JADE3: variants seen among roughly 807,000 people sequenced by gnomAD.
The protein encoded by JADE3 is protein Jade-3.
Under a neutral mutation model 50.1 loss-of-function variants are expected in JADE3, and 2 were observed. That is an observed-to-expected ratio of 0.04 (90% CI 0.02 to 0.13). JADE3 has a LOEUF of 0.13. JADE3 is among the 10% of genes least tolerant of loss of function. The probability of loss-of-function intolerance (pLI) is 1.00; values close to 1 mark genes in which losing one functional copy is unlikely to be tolerated. For missense variants in JADE3, 475 were observed against 634.4 expected (o/e 0.75, Z 2.70); for synonymous variants, 218 against 232.9 (o/e 0.94, Z 0.58).
intron 4 of JADE3, among the ~76,000 whole-genome samples, chrX:47,015,474 C>T (rs996805591): frequency 9.2e-6 from 1 of 108,149 alleles, no homozygotes; most frequent in African/African-American, 3.4e-5. Flanking sequence ...ATCCCAGCTA[C>T]TCGGGAGGCT....
chrX:46,939,248 T>G (rs1926700755), intron 1 of JADE3, among the ~76,000 whole-genome samples: 2 of 112,115 alleles, frequency 1.8e-5, no homozygotes, highest in African/African-American at 6.5e-5. Context: ...CAGTTTGATT[T>G]AGGTATGCCT....
intron 7 of JADE3, among the ~76,000 whole-genome samples, chrX:47,038,654 T>TAAAA (rs567645944): frequency 4.1e-5 from 3 of 73,053 alleles, no homozygotes; most frequent in African/African-American, 5.5e-5. Flanking sequence ...ACCTTGTCTC[T>TAAAA]AAAAAAAAAA....
intron 1 of JADE3, among the ~76,000 whole-genome samples, chrX:46,922,816 T>C (rs1042403094): frequency 6.3e-5 from 7 of 111,874 alleles, no homozygotes; most frequent in African/African-American, 9.7e-5. Context: ...AGTCTCAACA[T>C]CTGCATTTAC....
At chrX:47,034,952 A>G (rs1366848092) in intron 7 of JADE3, among the ~76,000 whole-genome samples, 13 of 110,230 alleles carry the variant, frequency 1.2e-4, no homozygotes, top group Admixed American at 1.9e-4. Context: ...TAGGGCTTAC[A>G]CTCAACACCT....
At chrX:47,012,757 C>T (rs1392008890) in intron 4 of JADE3, among the ~76,000 whole-genome samples, 2 of 110,598 alleles carry the variant, frequency 1.8e-5, no homozygotes, top group African/African-American at 3.3e-5. Flanking sequence ...TTGGCTATTA[C>T]ATTTAGGTCT....
At chrX:47,043,571 G>A (rs1929310515) in intron 8 of JADE3, among the ~76,000 whole-genome samples, 1 of 112,064 alleles carries the variant, frequency 8.9e-6, no homozygotes, top group Admixed American at 9.5e-5. Flanking sequence ...TGTAATCCCA[G>A]CACTTTGGGA....
intron 7 of JADE3, among the ~76,000 whole-genome samples, chrX:47,034,906 G>A (rs1294640724): frequency 9.1e-6 from 1 of 109,466 alleles, no homozygotes; most frequent in African/African-American, 3.3e-5. Context: ...GAGCCACTGC[G>A]CCCGGCCGAT....
At chrX:47,038,175 T>C (rs1556368517) in intron 7 of JADE3, among the ~76,000 whole-genome samples, 2 of 112,134 alleles carry the variant, frequency 1.8e-5, no homozygotes, top group Non-Finnish European at 3.8e-5. Context: ...ATGTACCACA[T>C]TTTCTTTATC....
At chrX:46,979,439 T>G (rs1927694065) in intron 1 of JADE3, among the ~76,000 whole-genome samples, 1 of 111,879 alleles carries the variant, frequency 8.9e-6, no homozygotes, top group Non-Finnish European at 1.9e-5. Flanking sequence ...GTCAGTTGGC[T>G]TTCTTCACTG....
At chrX:47,022,982 A>G (rs1556364784) in intron 4 of JADE3, among the ~76,000 whole-genome samples, 1 of 111,189 alleles carries the variant, frequency 9.0e-6, no homozygotes, top group African/African-American at 3.3e-5. Context: ...TTGCATAAAT[A>G]GTGAAAATAA....
Position 47,059,024 on chromosome X carries a change from T to C in JADE3, c.2419T>C (p.Cys807Arg). Residue 807 changes from cysteine to arginine, a missense_variant, in exon 11 of 11, where the codon TGC becomes CGC. Physicochemically the swap from Cys to Arg is radical, Grantham distance 180. Transcript: ENST00000614628. ...ENPPHDSRRD[C>R]HGKSKTHPLS... ...TCCTCCCCATGACTCTAGACGGGAT[T>C]GCCATGGTAAAAGCAAGACACATCC... 1 of 1,207,529 alleles carries C rather than the reference T, an allele frequency of 8.3e-7. No homozygotes were observed. The highest frequency in any genetic ancestry group is 1.1e-6 in the Non-Finnish European group (1 of 894,451).
chrX:46,926,077 A>ATTTT (rs1569534084), intron 1 of JADE3, among the ~76,000 whole-genome samples: 5 of 100,539 alleles, frequency 5.0e-5, no homozygotes, highest in African/African-American at 1.8e-4. Flanking sequence ...ATTTTATTTT[A>ATTTT]AGAGATGGGA....
At chrX:47,052,310 TTGTC>T (rs1929527616) in intron 8 of JADE3, among the ~76,000 whole-genome samples, 1 of 108,936 alleles carries the variant, frequency 9.2e-6, no homozygotes, top group South Asian at 4.1e-4. Flanking sequence ...TAATTTCAGA[TTGTC>T]TGTAACCATA....
intron 1 of JADE3, among the ~76,000 whole-genome samples, chrX:46,941,882 C>T (rs1556342347): frequency 9.3e-6 from 1 of 107,492 alleles, no homozygotes; most frequent in Non-Finnish European, 1.9e-5. Flanking sequence ...GGACTATAGG[C>T]AGGTGCCACC....
chrX:47,023,018 G>A (rs1188383215), intron 4 of JADE3, among the ~76,000 whole-genome samples: 1 of 111,258 alleles, frequency 9.0e-6, no homozygotes, highest in Non-Finnish European at 1.9e-5. Flanking sequence ...CAATAACAAT[G>A]ACGTTATTGA....
chrX:46,960,954 G>A (rs181801412), intron 1 of JADE3, among the ~76,000 whole-genome samples: 8 of 111,306 alleles, frequency 7.2e-5, no homozygotes, highest in African/African-American at 2.6e-4. Context: ...CTAAACCGCA[G>A]TTCTGCAGGG....
intron 1 of JADE3, among the ~76,000 whole-genome samples, chrX:46,941,315 C>G (rs1926751764): frequency 9.0e-6 from 1 of 111,569 alleles, no homozygotes; most frequent in African/African-American, 3.3e-5. Context: ...TCCAGTCCTC[C>G]TAGGTTGATA....
intron 8 of JADE3, among the ~76,000 whole-genome samples, chrX:47,053,169 C>G (rs1297265399): frequency 8.9e-6 from 1 of 111,844 alleles, no homozygotes; most frequent in Non-Finnish European, 1.9e-5. Context: ...ACCTGTAATC[C>G]CAACGCTTTA....
At chrX:46,923,393 C>CTCTCTGTTTTTTTTT in intron 1 of JADE3, among the ~76,000 whole-genome samples, 1 of 11,522 alleles carries the variant, frequency 8.7e-5, no homozygotes, top group East Asian at 3.6e-3. Flanking sequence ...CTCTCTCTCT[C>CTCTCTGTTTTTTTTT]TTTTTTTTTT....
Sources: allele counts gnomAD v4.1 joint callset (sites outside exome capture counted in the v4.1 genomes callset), GRCh38; gene constraint gnomAD v4.1.1; transcripts MANE v1.5; gene names NCBI Gene and HGNC (gene_info 2026-07-23, HGNC 2026-07-21).